SOX5: variants seen among roughly 807,000 people sequenced by gnomAD.
SOX5 encodes the protein transcription factor SOX-5.
SOX5 carries 9 observed loss-of-function variants against 92.0 expected under a neutral mutation model. The ratio of observed to expected loss-of-function variants is 0.10; its 90% confidence interval spans 0.06 to 0.17. The LOEUF is 0.17. Among genes scored for constraint, SOX5 ranks in the 10% least tolerant of loss-of-function variants. SOX5 has a pLI of 1.00. For missense variants in SOX5, 642 were observed against 944.5 expected (o/e 0.68, Z 4.20); for synonymous variants, 344 against 336.3 (o/e 1.02, Z -0.25).
chr12:23,548,793 G>A (rs1226318344), intron 11 of SOX5, among the ~76,000 whole-genome samples: 1 of 151,978 alleles, frequency 6.6e-6, no homozygotes, highest in Non-Finnish European at 1.5e-5. Flanking sequence ...TATAAAAGTA[G>A]ATATAAATTT....
chr12:24,055,028 T>A (rs1041890221), intron 4 of SOX5, among the ~76,000 whole-genome samples: 2 of 150,726 alleles, frequency 1.3e-5, no homozygotes, highest in African/African-American at 4.8e-5. Context: ...GTGAGTCTAT[T>A]CAAAAAAGCA....
chr12:23,874,368 T>G (rs2096905238), intron 2 of SOX5, among the ~76,000 whole-genome samples: 1 of 152,186 alleles, frequency 6.6e-6, no homozygotes, highest in Non-Finnish European at 1.5e-5. Flanking sequence ...ATTGTGGACT[T>G]GAGGCAATCA....
chr12:24,463,305 T>A (rs1049477810), intron 1 of SOX5, among the ~76,000 whole-genome samples: 1 of 152,196 alleles, frequency 6.6e-6, no homozygotes, highest in Non-Finnish European at 1.5e-5. Flanking sequence ...GGTATTTTAT[T>A]AATTACAGAG....
rs546624577 is a variant in SOX5, at chr12:24,380,244, T to C, written c.-250-11605A>G. On this transcript the variant is annotated intron_variant, in intron 1 of 4. Coordinates refer to the SOX5 transcript ENST00000446891. ...TCTCAGCTATCTATCCGCCCAAAGT[T>C]GCTCTTCTGCCAAGCTCATTGTTTA... Among the ~76,000 whole-genome samples the C allele has an allele frequency of 2.6e-5, 4 of 152,356 alleles. No homozygotes were observed. The East Asian group carries it at 5.8e-4, about 22-fold the overall frequency.
intron 3 of SOX5, among the ~76,000 whole-genome samples, chr12:24,242,079 G>A (rs749938024): frequency 1.3e-5 from 2 of 152,066 alleles, no homozygotes; most frequent in African/African-American, 2.4e-5. Flanking sequence ...GCTGGCCATC[G>A]AAAGTTATTT....
rs934136157 is a variant in SOX5, at chr12:23,841,919, C to A, written c.481+4064G>T. Among the ~76,000 whole-genome samples, 158 of 152,132 alleles carry A rather than the reference C, an allele frequency of 1.0e-3. 1 individual carries two copies. The highest frequency in any genetic ancestry group is 3.7e-3 in the African/African-American group (152 of 41,522). On this transcript the variant is annotated intron_variant, in intron 3 of 14. Transcript: ENST00000451604. ...GCATTATACATTGTACATTTCTATG[C>A]ATTTGCACATATAAATGTATAATAC...
At chr12:24,083,401 A>G (rs1382176921) in intron 4 of SOX5, among the ~76,000 whole-genome samples, 1 of 152,086 alleles carries the variant, frequency 6.6e-6, no homozygotes, top group African/African-American at 2.4e-5. Flanking sequence ...TTTTCTAAGC[A>G]TATGCTATCT....
chr12:23,806,592 A>G (rs1442281145), intron 3 of SOX5, among the ~76,000 whole-genome samples: 9 of 149,178 alleles, frequency 6.0e-5, no homozygotes, highest in Admixed American at 2.0e-4. Context: ...TAAAAAAAAA[A>G]AAAAAAGAAA....
chr12:24,136,239 G>A lies in SOX5; in HGVS notation c.-2+77104C>T, dbSNP rs1228699854. 2.0e-5 allele frequency among the ~76,000 whole-genome samples: 3 copies of A among 152,264 alleles called. No individual in the cohort carries two copies. In the East Asian group the frequency reaches 5.8e-4, roughly 29 times the overall value. On this transcript the variant is annotated intron_variant, in intron 4 of 4. Transcript: ENST00000446891. ...TCTGGGTAACCAGAAGGCCCAGAGA[G>A]TCCTCAAGGGATGCTGAGAAATCCT...
chr12:23,730,823 G>A (rs942999736), intron 6 of SOX5, among the ~76,000 whole-genome samples: 56 of 152,128 alleles, frequency 3.7e-4, no homozygotes, highest in African/African-American at 1.3e-3. Flanking sequence ...AATTAAAAAG[G>A]CCAAGAGAAA....
chr12:23,899,589 A>C (rs1446397086), intron 1 of SOX5, among the ~76,000 whole-genome samples: 10 of 152,212 alleles, frequency 6.6e-5, no homozygotes, highest in Admixed American at 6.5e-4. Flanking sequence ...CCAATGAACA[A>C]AACTCAGACT....
chr12:24,105,246 A>T (rs1381054591), intron 4 of SOX5, among the ~76,000 whole-genome samples: 1 of 152,224 alleles, frequency 6.6e-6, no homozygotes, highest in Non-Finnish European at 1.5e-5. Flanking sequence ...GAAATGATTT[A>T]AAACCATTTT....
chr12:23,610,195 G>C (rs568790872), intron 8 of SOX5, among the ~76,000 whole-genome samples: 1 of 152,130 alleles, frequency 6.6e-6, no homozygotes, highest in Non-Finnish European at 1.5e-5. Flanking sequence ...GTGAGGAGTA[G>C]AGAAATTCTA....
At chr12:23,939,915 C>A (rs528260641) in intron 1 of SOX5, among the ~76,000 whole-genome samples, 104 of 151,086 alleles carry the variant, frequency 6.9e-4, no homozygotes, top group African/African-American at 2.4e-3. Flanking sequence ...CAAAATTTTT[C>A]TTTGGACTAC....
At chr12:23,761,279 T>C (rs1257190261) in intron 3 of SOX5, among the ~76,000 whole-genome samples, 1 of 152,086 alleles carries the variant, frequency 6.6e-6, no homozygotes, top group Non-Finnish European at 1.5e-5. Context: ...AAATGGAACA[T>C]AAATGGTTTG....
chr12:23,534,613 C>G, intron 14 of SOX5, 91 bp from the exon 15 acceptor site: 2 of 1,021,606 alleles, frequency 2.0e-6, no homozygotes, highest in Non-Finnish European at 2.8e-6. Context: ...TCAGCAATGT[C>G]CAATTCTAAG....
intron 3 of SOX5, among the ~76,000 whole-genome samples, chr12:24,240,404 C>G (rs12308358): frequency 1.2e-4 from 19 of 152,084 alleles, no homozygotes; most frequent in African/African-American, 4.1e-4. Context: ...CCACATTTCC[C>G]AAAACAACAA....
intron 1 of SOX5, among the ~76,000 whole-genome samples, chr12:24,434,602 T>C (rs746831136): frequency 3.9e-5 from 6 of 152,138 alleles, no homozygotes; most frequent in Non-Finnish European, 8.8e-5. Context: ...GATTGGATCA[T>C]GGGGGCAGTT....
At chr12:24,291,703 A>AT (rs1225887003) in intron 2 of SOX5, among the ~76,000 whole-genome samples, 1 of 152,226 alleles carries the variant, frequency 6.6e-6, no homozygotes, top group African/African-American at 2.4e-5. Flanking sequence ...ATGGCTCAGT[A>AT]TGGTTTGATA....
Sources: gnomAD v4.1 joint callset for allele counts (sites outside exome capture counted in the v4.1 genomes callset) on GRCh38, gnomAD v4.1.1 for gene constraint, MANE v1.5 for transcripts, NCBI Gene and HGNC (gene_info 2026-07-23, HGNC 2026-07-21) for gene names.